Variants in PLXNA2 observed in about 807,000 individuals in gnomAD.
PLXNA2 encodes the protein plexin A2, also known as plexin-A2.
A neutral mutation model predicts 193.5 loss-of-function variants in PLXNA2; 91 were observed. The observed-to-expected ratio is 0.47, with a 90% CI of 0.40 to 0.56. PLXNA2 has a LOEUF of 0.56. PLXNA2 is among the 20% of genes least tolerant of loss of function. The probability of loss-of-function intolerance (pLI) is 0.00; values close to 1 mark genes in which losing one functional copy is unlikely to be tolerated. For missense variants in PLXNA2, 1,995 were observed against 2,503.2 expected, an observed-to-expected ratio of 0.80 and a Z score of 4.33; for synonymous variants, 997 against 1,027.3, an observed-to-expected ratio of 0.97 and a Z score of 0.56.
chr1:208,183,607 A>AGG (rs367756173), intron 3 of PLXNA2, among the ~76,000 whole-genome samples: 2 of 105,208 alleles, frequency 1.9e-5, no homozygotes, highest in African/African-American at 7.4e-5. Context: ...AGAGAGGGAG[A>AGG]GGGGGGGGTC....
intron 3 of PLXNA2, among the ~76,000 whole-genome samples, chr1:208,179,081 C>T (rs919491300): frequency 1.1e-4 from 16 of 152,238 alleles, no homozygotes; most frequent in Non-Finnish European, 2.2e-4. Context: ...GCCTGGGCTA[C>T]GGAGAGTCTC....
chr1:208,051,188 G>A, intron 16 of PLXNA2, 68 bp downstream of exon 16: 1 of 1,593,180 alleles, frequency 6.3e-7, no homozygotes, highest in South Asian at 1.1e-5. Context: ...CCTCTCATGA[G>A]CCAGACTTGG....
intron 1 of PLXNA2, among the ~76,000 whole-genome samples, chr1:208,225,663 G>A (rs527575720): frequency 6.6e-6 from 1 of 152,294 alleles, no homozygotes; most frequent in Non-Finnish European, 1.5e-5. Flanking sequence ...GGTCACTAGG[G>A]TAGGCTCTAA....
chr1:208,174,441 G>A (rs550818841), intron 3 of PLXNA2, among the ~76,000 whole-genome samples: 2 of 152,188 alleles, frequency 1.3e-5, no homozygotes, highest in African/African-American at 4.8e-5. Flanking sequence ...GGGCTGTGGA[G>A]GGAGGGAAGA....
Position 208,111,740 on chromosome 1 carries a change from G to A in PLXNA2, c.1507-8493C>T, listed in dbSNP as rs1232274866. On this transcript the variant is annotated intron_variant, in intron 4 of 31. Coordinates refer to ENST00000367033, the MANE Select transcript of PLXNA2 (RefSeq NM_025179.4). ...TCATTATTGTTTGTTCTCAGTGTTA[G>A]ATCCATTTCTTTAACAATCAATAGT... 2.0e-5 allele frequency among the ~76,000 whole-genome samples: 3 copies of A among 152,110 alleles called. No homozygotes were observed. The East Asian group carries it at 5.8e-4, about 29-fold the overall frequency.
chr1:208,224,542 A>G (rs1671454272), intron 1 of PLXNA2, among the ~76,000 whole-genome samples: 1 of 152,130 alleles, frequency 6.6e-6, no homozygotes, highest in Non-Finnish European at 1.5e-5. Context: ...GGGGGTGAGG[A>G]GAGAAAGAAT....
At chr1:208,033,034 C>CTCT (rs1553271609) in intron 28 of PLXNA2, among the ~76,000 whole-genome samples, 1 of 146,656 alleles carries the variant, frequency 6.8e-6, no homozygotes, top group African/African-American at 2.5e-5. Flanking sequence ...CTCTCTCTCT[C>CTCT]TTTTTTTTTT....
intron 4 of PLXNA2, among the ~76,000 whole-genome samples, chr1:208,118,449 G>A (rs908439499): frequency 3.3e-5 from 5 of 152,242 alleles, no homozygotes; most frequent in Admixed American, 2.6e-4. Flanking sequence ...ACTGAAGCTG[G>A]TCTGCTGAAG....
intron 5 of PLXNA2, among the ~76,000 whole-genome samples, chr1:208,101,941 G>T (rs1388060633): frequency 2.0e-5 from 3 of 152,180 alleles, no homozygotes. Flanking sequence ...CTGCCTGCTG[G>T]CTGGTGGGTC....
intron 13 of PLXNA2, among the ~76,000 whole-genome samples, chr1:208,059,460 C>T (rs1665544925): frequency 6.6e-6 from 1 of 152,216 alleles, no homozygotes; most frequent in South Asian, 2.1e-4. Flanking sequence ...TGGGAATTCA[C>T]CCCTTTGGAC....
intron 29 of PLXNA2, chr1:208,029,995 C>T (rs1160287275): frequency 1.0e-6 from 1 of 985,530 alleles, no homozygotes; most frequent in East Asian, 1.1e-4. Context: ...TCTTCTCTCC[C>T]CTCCTTCATC....
At chr1:208,209,664 G>A (rs1318276) in intron 3 of PLXNA2, among the ~76,000 whole-genome samples, 32,017 of 152,026 alleles carry the variant, frequency 0.21, 3,621 homozygotes, top group Admixed American at 0.3. Flanking sequence ...CCTGGGAGGC[G>A]CAAGGTAAAA....
chr1:208,046,797 A>AGTGTGTGTGTGT lies in PLXNA2; in HGVS notation c.3256-692_3256-681dup, dbSNP rs57420579. 1.2e-3 allele frequency among the ~76,000 whole-genome samples: 154 copies of AGTGTGTGTGTGT among 129,690 alleles called. 1 individual carries two copies. The highest frequency in any genetic ancestry group is 1.7e-3 in the Non-Finnish European group (102 of 60,918). The allele number at this position is 129,690 out of a possible 152,430, so 85.1% of individuals were successfully genotyped here. A position where few individuals can be genotyped will look rare whatever the true frequency, so the allele number is the denominator to read the frequency against. ...AGAAAAAAGTAGGACAGAACAGCAT[A>AGTGTGTGTGTGT]GTGTGTGTGTGTGTGTGTGTGTGTG... On this transcript the variant is annotated intron_variant, in intron 17 of 31. Transcript: ENST00000367033.
rs773902890 is a variant in PLXNA2 at position 208,044,597 on chromosome 1, C to A, written c.3785G>T (p.Arg1262Leu). 1 of 1,614,080 alleles carries A rather than the reference C, an allele frequency of 6.2e-7. No individual in the cohort carries two copies. Among genetic ancestry groups the A allele is most frequent in the Non-Finnish European group, 8.5e-7 (1 of 1,180,008 alleles). The change falls in exon 20 of 32, where the codon CGC becomes CTC. Residue 1262 changes from arginine (R) to leucine (L), a missense_variant. Physicochemically the swap from Arg to Leu is moderately radical, Grantham distance 102 (BLOSUM62 -2). Around this residue, in one of 3 missense-constraint regions of PLXNA2, gnomAD observed 1,291 missense variants for 1,673.6 expected, o/e 0.77. Coordinates refer to ENST00000367033, the MANE Select transcript of PLXNA2 (RefSeq NM_025179.4). This position sits in a 1 kb window ranked among gnomAD's most constrained non-coding sequence, Gnocchi z 4.9. Reference protein sequence around the residue: ...IVIIVLIAYKRKSRENDLTLK... With the variant: ...IVIIVLIAYKLKSRENDLTLK... Reference sequence around the variant, plus strand: ...AGTGAGGTCATTTTCTCGAGACTTGCGCTTGTAGGCAATGAGGACGATGAT... The same window carrying A: ...AGTGAGGTCATTTTCTCGAGACTTGAGCTTGTAGGCAATGAGGACGATGAT...
intron 4 of PLXNA2, among the ~76,000 whole-genome samples, chr1:208,132,514 G>A (rs923886332): frequency 2.0e-5 from 3 of 152,294 alleles, no homozygotes; most frequent in African/African-American, 7.2e-5. Flanking sequence ...TTAAAAAAAG[G>A]CAAGGACAAT....
intron 3 of PLXNA2, among the ~76,000 whole-genome samples, chr1:208,206,922 C>A (rs546370294): frequency 6.6e-6 from 1 of 152,046 alleles, no homozygotes; most frequent in African/African-American, 2.4e-5. Context: ...TGCCACCATG[C>A]CCTGCTGATT....
chr1:208,038,728 G>A lies in PLXNA2; in HGVS notation c.4660+97C>T. 7.6e-7 allele frequency: 1 copy of A among 1,319,466 alleles called. No individual in the cohort carries two copies. The highest frequency in any genetic ancestry group is 1.1e-6 in the Non-Finnish European group (1 of 932,038). The allele number at this position is 1,319,466 out of a possible 1,614,324, so 81.7% of individuals were successfully genotyped here. A position where few individuals can be genotyped will look rare whatever the true frequency, so the allele number is the denominator to read the frequency against. ...ATTTCACACGGGCCTCAGCTGGCCA[G>A]GACACAGTCATGCCCCTGCAAGGGT... On this transcript the variant is annotated intron_variant, in intron 25 of 31. Transcript: ENST00000367033. This position sits in a 1 kb window ranked among gnomAD's most constrained non-coding sequence, Gnocchi z 4.1.
rs187088047 is a variant in PLXNA2, at chr1:208,145,515, C to G, written c.1372-3052G>C. ...CTTTTCCTACATGTTGGCCTCTACCCTCTCCCAGAGCCTGGGCACTTGCGT... is the reference window on the plus strand; with the variant it reads ...CTTTTCCTACATGTTGGCCTCTACCGTCTCCCAGAGCCTGGGCACTTGCGT... On this transcript the variant is annotated intron_variant, in intron 3 of 31. Coordinates refer to ENST00000367033, the MANE Select transcript of PLXNA2 (RefSeq NM_025179.4). Among the ~76,000 whole-genome samples the G allele has an allele frequency of 2.4e-3, 367 of 152,340 alleles. 5 individuals are homozygous for G. Among genetic ancestry groups the G allele is most frequent in the Middle Eastern group, 0.014 (4 of 294 alleles).
Position 208,038,690 on chromosome 1 carries a change from C to G in PLXNA2, c.4660+135G>C. The G allele has an allele frequency of 1.0e-6, 1 of 983,588 alleles. No individual in the cohort carries two copies. Among genetic ancestry groups the G allele is most frequent in the Non-Finnish European group, 1.6e-6 (1 of 640,752 alleles). The allele number at this position is 983,588 out of a possible 1,614,324, so 60.9% of individuals were successfully genotyped here. On this transcript the variant is annotated intron_variant, in intron 25 of 31. Coordinates refer to ENST00000367033, the MANE Select transcript of PLXNA2 (RefSeq NM_025179.4). The surrounding 1 kb of genome is among the most constrained non-coding windows in gnomAD (Gnocchi z 4.1). Reference sequence around the variant, plus strand: ...CAGCCACATCTGAACAGGCAGCGCTCAAAGCGGGAAGCATTTCACACGGGC... The same window carrying G: ...CAGCCACATCTGAACAGGCAGCGCTGAAAGCGGGAAGCATTTCACACGGGC...
Sources: allele counts gnomAD v4.1 joint callset (sites outside exome capture counted in the v4.1 genomes callset), GRCh38; gene constraint gnomAD v4.1.1; regional missense constraint gnomAD v4.1.1; non-coding constraint Gnocchi (gnomAD v3.1); transcripts MANE v1.5; gene names NCBI Gene and HGNC (gene_info 2026-07-23, HGNC 2026-07-21).